CDKL5: variants seen among roughly 807,000 people sequenced by gnomAD.
The protein encoded by CDKL5 is cyclin-dependent kinase-like 5.
In CDKL5, 8 loss-of-function variants were observed where a neutral mutation model predicts 61.7. The observed-to-expected ratio is 0.13, with a 90% CI of 0.08 to 0.23. The LOEUF is 0.23. Ranked by LOEUF, CDKL5 falls within the 10% of genes least tolerant of loss-of-function variation. The pLI, the probability that CDKL5 is intolerant of heterozygous loss-of-function variation, is 1.00. For synonymous variants in CDKL5, 275 were observed against 272.3 expected, an observed-to-expected ratio of 1.01 and a Z score of -0.10; for missense variants, 440 against 734.5, an observed-to-expected ratio of 0.60 and a Z score of 4.63.
Position 18,479,465 on chromosome X carries a change from A to G in CDKL5, c.-162-27470A>G, listed in dbSNP as rs753211621. 4.0e-3 allele frequency among the ~76,000 whole-genome samples: 433 copies of G among 107,071 alleles called. 2 individuals carry two copies. Among genetic ancestry groups the G allele is most frequent in the African/African-American group, 0.014 (420 of 29,368 alleles). The allele number at this position is 107,071 out of a possible 115,157, so 93.0% of individuals were successfully genotyped here. A position where few individuals can be genotyped will look rare whatever the true frequency, so the allele number is the denominator to read the frequency against. On this transcript the variant is annotated intron_variant, in intron 1 of 17. Transcript: ENST00000623535. The stretch of plus-strand genomic sequence containing the variant: ...CTCCCTAGTAGTTGGGACTACAGGC[A>G]CCCGCCACCATGCCTGGCTAATTTT...
At chrX:18,442,586 C>T (rs1050774470) in intron 1 of CDKL5, among the ~76,000 whole-genome samples, 2 of 111,087 alleles carry the variant, frequency 1.8e-5, no homozygotes, top group African/African-American at 6.6e-5. Flanking sequence ...CTCCGCCTCC[C>T]GGGTTCACGC....
At chrX:18,562,809 G>T (rs1924847478) in intron 3 of CDKL5, among the ~76,000 whole-genome samples, 1 of 111,497 alleles carries the variant, frequency 9.0e-6, no homozygotes, top group Non-Finnish European at 1.9e-5. Context: ...GGATTTTCAT[G>T]GTATTCTTGA....
chrX:18,481,812 G>C (rs1179361643), intron 1 of CDKL5, among the ~76,000 whole-genome samples: 1 of 110,795 alleles, frequency 9.0e-6, no homozygotes, highest in Admixed American at 9.7e-5. Flanking sequence ...CCTTGCCTGG[G>C]GTAGAGGTGC....
intron 21 of CDKL5, among the ~76,000 whole-genome samples, chrX:18,651,875 C>T (rs1928063587): frequency 9.0e-6 from 1 of 111,061 alleles, no homozygotes; most frequent in Non-Finnish European, 1.9e-5. Context: ...TTCTGTGGGC[C>T]TGGTTGAGCT....
Position 18,619,982 on chromosome X carries a change from G to A in CDKL5, c.2376+16G>A. On this transcript the variant is annotated intron_variant, in intron 16 of 17. Transcript: ENST00000623535. ...ATCTCAAACAGTAAGTAGATGACCA[G>A]TTTCTATATATAATAACATGTTTCT... 1 of 963,092 alleles carries A rather than the reference G, an allele frequency of 1.0e-6. No individual in the cohort carries two copies. Among genetic ancestry groups the A allele is most frequent in the Non-Finnish European group, 1.5e-6 (1 of 674,117 alleles). 79.4% of individuals were successfully genotyped at this position (963,092 alleles called of 1,213,427 possible). A position where few individuals can be genotyped will look rare whatever the true frequency, so the allele number is the denominator to read the frequency against.
chrX:18,651,989 C>T (rs145229770), intron 21 of CDKL5, among the ~76,000 whole-genome samples: 473 of 110,401 alleles, frequency 4.3e-3, no homozygotes, highest in African/African-American at 0.014. Flanking sequence ...GATCTCTGCC[C>T]GCCCTGAGCT....
intron 4 of CDKL5, among the ~76,000 whole-genome samples, chrX:18,566,712 G>C (rs1924980861): frequency 8.9e-6 from 1 of 111,918 alleles, no homozygotes; most frequent in East Asian, 2.8e-4. Flanking sequence ...GTAGAAAACA[G>C]TTATTGCCTG....
intron 21 of CDKL5, among the ~76,000 whole-genome samples, chrX:18,652,897 G>A (rs1406113362): frequency 1.8e-5 from 2 of 112,602 alleles, no homozygotes; most frequent in Admixed American, 1.9e-4. Context: ...CCAAGGCTGT[G>A]TATATTTCAT....
intron 3 of CDKL5, among the ~76,000 whole-genome samples, chrX:18,533,075 T>A (rs1923700945): frequency 9.0e-6 from 1 of 111,545 alleles, no homozygotes; most frequent in South Asian, 3.7e-4. Flanking sequence ...TAGAATGTAA[T>A]TTTTTTTGTT....
chrX:18,631,960 G>A lies in CDKL5; in HGVS notation c.*3203G>A, dbSNP rs1020140417. On this transcript the variant is annotated 3_prime_UTR_variant, in exon 18 of 18. Coordinates refer to ENST00000623535, the MANE Select transcript of CDKL5 (RefSeq NM_001323289.2). ...CTGGGGACATTTGGTTGTCATAGCT[G>A]GGGGGGAGGTGATGGTATGCTACTG... is the stretch of plus-strand genomic sequence containing the variant. 2 of 622,810 alleles carry A rather than the reference G, an allele frequency of 3.2e-6. No homozygotes were observed. Among genetic ancestry groups the A allele is most frequent in the Admixed American group, 8.9e-5 (1 of 11,226 alleles). The allele number at this position is 622,810 out of a possible 1,213,427, so 51.3% of individuals were successfully genotyped here. A position where few individuals can be genotyped will look rare whatever the true frequency, so the allele number is the denominator to read the frequency against.
chrX:18,634,547 C>T lies in CDKL5; in HGVS notation c.*5790C>T. On this transcript the variant is annotated 3_prime_UTR_variant, in exon 18 of 18. Coordinates refer to ENST00000623535, the MANE Select transcript of CDKL5 (RefSeq NM_001323289.2). ...TGTGTAAGTAAGTTCTCCAGCACGG[C>T]TTAGGTTTTCCAAAATGGAAAGCAA... 1 of 754,372 alleles carries T rather than the reference C, an allele frequency of 1.3e-6. No homozygotes were observed. Among genetic ancestry groups the T allele is most frequent in the Non-Finnish European group, 1.6e-6 (1 of 639,381 alleles). The allele number at this position is 754,372 out of a possible 1,213,427, so 62.2% of individuals were successfully genotyped here.
intron 20 of CDKL5, chrX:18,647,063 C>A (rs757310362): frequency 4.0e-6 from 3 of 741,060 alleles, no homozygotes; most frequent in Admixed American, 2.6e-5. Context: ...ATTACAGGCA[C>A]GTGCCACCAC....
intron 1 of CDKL5, among the ~76,000 whole-genome samples, chrX:18,459,419 A>G (rs1418704153): frequency 9.1e-6 from 1 of 109,290 alleles, no homozygotes; most frequent in Non-Finnish European, 1.9e-5. Flanking sequence ...AAAATTAGCC[A>G]GGCATGGTAG....
chrX:18,638,828 GC>G lies in CDKL5; in HGVS notation c.*10072del, dbSNP rs1366460358. ...CCCCAATTTCAAAACTTACTACAAA[GC>G]TACAATAATGAAGAAAGTGAGGTAA... is the stretch of plus-strand genomic sequence containing the variant. On this transcript the variant is annotated 3_prime_UTR_variant, in exon 18 of 18. Transcript: ENST00000623535. 8.9e-6 allele frequency among the ~76,000 whole-genome samples: 1 copy of G among 111,950 alleles called. No individual in the cohort carries two copies. The highest frequency in any genetic ancestry group is 1.9e-5 in the Non-Finnish European group (1 of 53,230).
intron 8 of CDKL5, 66 bp downstream of exon 8, chrX:18,584,419 A>C: frequency 1.4e-6 from 1 of 737,286 alleles, no homozygotes; most frequent in South Asian, 2.1e-5. Context: ...ATTTGCTTTG[A>C]GTTCATCTAT....
intron 1 of CDKL5, among the ~76,000 whole-genome samples, chrX:18,496,222 T>C (rs919609189): frequency 8.9e-6 from 1 of 111,980 alleles, no homozygotes; most frequent in African/African-American, 3.2e-5. Flanking sequence ...TTTTATATGT[T>C]TTAGGGAGAG....
intron 1 of CDKL5, among the ~76,000 whole-genome samples, chrX:18,435,473 T>C (rs1931589956): frequency 8.9e-6 from 1 of 111,995 alleles, no homozygotes. Flanking sequence ...TTCATTCATT[T>C]AACAAATATT....
intron 3 of CDKL5, among the ~76,000 whole-genome samples, chrX:18,557,618 C>T (rs1339395184): frequency 1.8e-5 from 2 of 112,225 alleles, no homozygotes; most frequent in Non-Finnish European, 3.8e-5. Flanking sequence ...ATGACTCCTG[C>T]GACTTCCTTA....
intron 2 of CDKL5, 61 bp from the exon 3 acceptor site, chrX:18,510,759 G>T: frequency 1.1e-6 from 1 of 925,607 alleles, no homozygotes; most frequent in South Asian, 2.0e-5. Context: ...AGCAATGTCA[G>T]TATAGCAGAG....
Sources: gnomAD v4.1 joint callset for allele counts (sites outside exome capture counted in the v4.1 genomes callset) on GRCh38, gnomAD v4.1.1 for gene constraint, MANE v1.5 for transcripts, NCBI Gene and HGNC (gene_info 2026-07-23, HGNC 2026-07-21) for gene names.